MED15: variants seen among roughly 807,000 people sequenced by gnomAD.
The protein encoded by MED15 is mediator complex subunit 15, also known as mediator of RNA polymerase II transcription subunit 15.
MED15 carries 41 observed loss-of-function variants against 118.7 expected under a neutral mutation model. The observed-to-expected ratio is 0.35, with a 90% CI of 0.27 to 0.45. The LOEUF (loss-of-function observed/expected upper bound fraction) is 0.45, where lower values mean the gene tolerates loss of function less well. MED15 is among the 20% of genes least tolerant of loss of function. MED15 has a pLI of 1.00. For missense variants in MED15, 740 were observed against 1,025.5 expected (o/e 0.72, Z 3.80); for synonymous variants, 436 against 413.9 (o/e 1.05, Z -0.65).
chr22:20,513,513 A>C (rs1417794627), intron 1 of MED15, among the ~76,000 whole-genome samples: 2 of 151,672 alleles, frequency 1.3e-5, no homozygotes, highest in Admixed American at 6.6e-5. Context: ...TCCCAACCTC[A>C]TGACCCACCT....
At chr22:20,582,777 CCTGGCCCTCGAGG>C (rs2057027565) in intron 10 of MED15, 30 bp downstream of exon 10, 1 of 1,592,376 alleles carries the variant, frequency 6.3e-7, no homozygotes, top group East Asian at 2.2e-5. Flanking sequence ...CCCCTCCCCA[CCTGGCCCTCGAGG>C]CTGGCCCTGC....
intron 5 of MED15, among the ~76,000 whole-genome samples, chr22:20,558,386 G>A (rs966481176): frequency 2.6e-5 from 4 of 152,136 alleles, no homozygotes; most frequent in Admixed American, 2.6e-4. Flanking sequence ...GGGACATTGT[G>A]ATAGTTTTCA....
chr22:20,582,639 C>A lies in MED15; in HGVS notation c.1301C>A (p.Ser434Tyr). The A allele has an allele frequency of 6.3e-7, 1 of 1,576,964 alleles. No homozygotes were observed. Among genetic ancestry groups the A allele is most frequent in the Non-Finnish European group, 8.6e-7 (1 of 1,168,000 alleles). Residue 434 changes from serine (S) to tyrosine (Y), a missense_variant, in exon 10 of 18, where the codon TCC becomes TAC. Ser to Tyr is a moderately radical substitution (Grantham distance 144). Coordinates refer to ENST00000263205, the MANE Select transcript of MED15 (RefSeq NM_001003891.3). Reference sequence around the variant, plus strand: ...AGCCAGAGCAGCCTCCCCATGCTGTCCTCGCCGTCACCGGGCCAGCAGGTG... The same window carrying A: ...AGCCAGAGCAGCCTCCCCATGCTGTACTCGCCGTCACCGGGCCAGCAGGTG... ...QVSQSSLPML[S>Y]SPSPGQQVQT...
chr22:20,551,287 C>T, intron 2 of MED15, 149 bp from the exon 3 acceptor site: 2 of 793,134 alleles, frequency 2.5e-6, no homozygotes, highest in Non-Finnish European at 2.3e-6. Context: ...TTCCGAGAGG[C>T]GGATTCCAGA....
Position 20,583,207 on chromosome 22 carries a change from G to A in MED15, c.1632G>A (p.Glu544=). Residue 544 remains glutamate (E), a synonymous_variant, in exon 12 of 18, where the codon GAG becomes GAA. Transcript: ENST00000263205. ...DKLKQLSKYI[E]PLRRMINKID... ...TGAAGCAGCTGTCGAAGTACATCGA[G>A]CCCCTGCGCCGCATGATCAACAAGA... The A allele has an allele frequency of 1.9e-6, 3 of 1,611,896 alleles. No homozygotes were observed. Among genetic ancestry groups the A allele is most frequent in the African/African-American group, 1.3e-5 (1 of 75,028 alleles).
At chr22:20,581,239 G>C (rs1682255955) in intron 9 of MED15, among the ~76,000 whole-genome samples, 1 of 152,244 alleles carries the variant, frequency 6.6e-6, no homozygotes, top group African/African-American at 2.4e-5. Context: ...TTTCGCTCCA[G>C]GAGCTTGGTC....
Position 20,530,013 on chromosome 22 carries a change from C to T in MED15, c.69-7104C>T, listed in dbSNP as rs12484631. 5.9e-3 allele frequency among the ~76,000 whole-genome samples: 893 copies of T among 152,310 alleles called. 49 individuals carry two copies. The East Asian group carries it at 0.14, about 23-fold the overall frequency. Reference sequence around the variant, plus strand: ...TGCTGGGATTACAGGCGTGAACCACCACACCTAGTCCAAATCTTTTTTTTA... The same window carrying T: ...TGCTGGGATTACAGGCGTGAACCACTACACCTAGTCCAAATCTTTTTTTTA... On this transcript the variant is annotated intron_variant, in intron 1 of 17. Coordinates refer to ENST00000263205, the MANE Select transcript of MED15 (RefSeq NM_001003891.3).
chr22:20,537,076 C>A (rs975632642), intron 1 of MED15, 41 bp from the exon 2 acceptor site: 1 of 1,585,934 alleles, frequency 6.3e-7, no homozygotes, highest in Non-Finnish European at 8.6e-7. Flanking sequence ...GCGGTGGAGT[C>A]ACTGGTGTGT....
chr22:20,569,426 C>CTG (rs534348894), intron 8 of MED15, among the ~76,000 whole-genome samples: 66 of 152,306 alleles, frequency 4.3e-4, no homozygotes, highest in African/African-American at 1.5e-3. Context: ...TGTGGTAAGA[C>CTG]TGTGGCTGGG....
intron 2 of MED15, among the ~76,000 whole-genome samples, chr22:20,548,696 G>A (rs1378896630): frequency 6.6e-6 from 1 of 152,214 alleles, no homozygotes; most frequent in African/African-American, 2.4e-5. Context: ...TGCAGTGTAT[G>A]TGGCACGGAG....
chr22:20,568,079 G>A (rs1030570241), intron 7 of MED15, among the ~76,000 whole-genome samples: 3 of 152,214 alleles, frequency 2.0e-5, no homozygotes, highest in African/African-American at 4.8e-5. Flanking sequence ...GGGCTTAAGC[G>A]ATCCACTGGC....
rs190155546 is a variant in MED15, at chr22:20,570,269, G to A, written c.1152+1638G>A. Among the ~76,000 whole-genome samples, 319 of 151,934 alleles carry A rather than the reference G, an allele frequency of 2.1e-3. 1 individual carries two copies. The highest frequency in any genetic ancestry group is 7.5e-3 in the African/African-American group (309 of 41,426). On this transcript the variant is annotated intron_variant, in intron 8 of 17. Coordinates refer to ENST00000263205, the MANE Select transcript of MED15 (RefSeq NM_001003891.3). ...CCATCTCTTGACCTCGTGATCTGCC[G>A]GCCTTGGCCTCCCAAAGTGCTGAGA...
intron 2 of MED15, among the ~76,000 whole-genome samples, chr22:20,549,468 T>G: frequency 2.7e-5 from 4 of 146,584 alleles, no homozygotes; most frequent in African/African-American, 7.6e-5. Context: ...TGGATGGGGG[T>G]GGGGGTGGAT....
intron 1 of MED15, among the ~76,000 whole-genome samples, chr22:20,526,121 A>G (rs1023621923): frequency 6.6e-6 from 1 of 151,966 alleles, no homozygotes; most frequent in Non-Finnish European, 1.5e-5. Context: ...GGGTTTCACT[A>G]TATTGCCCAG....
chr22:20,554,753 A>C (rs957364555), intron 4 of MED15, 183 bp from the exon 5 acceptor site: 1 of 598,134 alleles, frequency 1.7e-6, no homozygotes. Context: ...TGACCAACAC[A>C]CCTGGCGTCC....
intron 9 of MED15, among the ~76,000 whole-genome samples, chr22:20,579,865 C>T (rs2056927476): frequency 6.6e-6 from 1 of 152,114 alleles, no homozygotes; most frequent in Admixed American, 6.6e-5. Context: ...CTCAGAAACT[C>T]CTTCCCTAGG....
intron 1 of MED15, among the ~76,000 whole-genome samples, chr22:20,509,430 C>T (rs899789608): frequency 1.3e-5 from 2 of 152,132 alleles, no homozygotes; most frequent in African/African-American, 2.4e-5. Context: ...AGCTCACTGC[C>T]TGCCACATTG....
chr22:20,519,735 G>A (rs1032497572), intron 1 of MED15, among the ~76,000 whole-genome samples: 2 of 152,276 alleles, frequency 1.3e-5, no homozygotes, highest in African/African-American at 2.4e-5. Context: ...GATTACAGGC[G>A]TGAGCCATTG....
Position 20,575,122 on chromosome 22 carries a change from G to A in MED15, c.1162G>A (p.Glu388Lys), listed in dbSNP as rs746550334. 1 of 1,614,004 alleles carries A rather than the reference G, an allele frequency of 6.2e-7. No homozygotes were observed. The highest frequency in any genetic ancestry group is 1.7e-5 in the Admixed American group (1 of 60,032). Residue 388 changes from glutamate (E) to lysine (K), a missense_variant, in exon 9 of 18, where the codon GAA becomes AAA. Physicochemically the swap from Glu to Lys is moderately conservative, Grantham distance 56. Around this residue, in one of 7 missense-constraint regions of MED15, gnomAD observed 384 missense variants for 506.3 expected, o/e 0.76. Coordinates refer to ENST00000263205, the MANE Select transcript of MED15 (RefSeq NM_001003891.3). ...CCCTCTGTCCTCAAAGATGATCACG[G>A]AAGCCTTGGCCCAAGGTGGGATGCA... Reference protein sequence around the residue: ...MVAPGVQMITEALAQGGMHIR... With the variant: ...MVAPGVQMITKALAQGGMHIR...
Sources: allele counts gnomAD v4.1 joint callset (sites outside exome capture counted in the v4.1 genomes callset), GRCh38; gene constraint gnomAD v4.1.1; regional missense constraint gnomAD v4.1.1; transcripts MANE v1.5; gene names NCBI Gene and HGNC (gene_info 2026-07-23, HGNC 2026-07-21).